TRPM3: variants seen among roughly 807,000 people sequenced by gnomAD.
TRPM3 encodes the protein long transient receptor potential channel 3.
In TRPM3, 77 loss-of-function variants were observed where a neutral mutation model predicts 181.2. That is an observed-to-expected ratio of 0.42 (90% CI 0.35 to 0.51). The LOEUF (loss-of-function observed/expected upper bound fraction) is 0.51. Ranked by LOEUF, TRPM3 falls within the 20% of genes least tolerant of loss-of-function variation. The pLI is 0.01. For synonymous variants in TRPM3, 745 were observed against 796.4 expected, an observed-to-expected ratio of 0.94 and a Z score of 1.09; for missense variants, 1,759 against 2,196.7, an observed-to-expected ratio of 0.80 and a Z score of 3.98.
chr9:71,433,575 G>A (rs1295268718), intron 1 of TRPM3, among the ~76,000 whole-genome samples: 1 of 152,112 alleles, frequency 6.6e-6, no homozygotes. Flanking sequence ...AACCATCAGA[G>A]TCTCCATCAG....
upstream of TRPM3, among the ~76,000 whole-genome samples, chr9:71,123,472 T>C (rs1446662248): frequency 1.3e-5 from 2 of 152,184 alleles, no homozygotes; most frequent in African/African-American, 4.8e-5. Flanking sequence ...TAAGCTAATA[T>C]TGGCAAAGCA....
At chr9:70,884,714 T>C (rs79614917) in intron 1 of TRPM3, among the ~76,000 whole-genome samples, 1 of 152,348 alleles carries the variant, frequency 6.6e-6, no homozygotes, top group African/African-American at 2.4e-5. Flanking sequence ...CTAGAGGGCA[T>C]GTATTCTGCT....
chr9:70,688,050 G>A (rs1475373974), intron 8 of TRPM3, among the ~76,000 whole-genome samples: 1 of 152,092 alleles, frequency 6.6e-6, no homozygotes, highest in Non-Finnish European at 1.5e-5. Flanking sequence ...TGTCCTCATT[G>A]TCAGCCTTTG....
At chr9:70,648,097 A>G (rs930924274) in intron 9 of TRPM3, among the ~76,000 whole-genome samples, 6 of 152,220 alleles carry the variant, frequency 3.9e-5, no homozygotes, top group Non-Finnish European at 7.3e-5. Flanking sequence ...AATTATTACT[A>G]TTGTTAAAAT....
At chr9:70,916,837 G>A (rs573001779) in intron 1 of TRPM3, among the ~76,000 whole-genome samples, 2 of 152,320 alleles carry the variant, frequency 1.3e-5, no homozygotes, top group African/African-American at 2.4e-5. Context: ...ACAGTATGGT[G>A]ATACATCTAC....
At chr9:70,991,180 T>C (rs758558854) in intron 1 of TRPM3, among the ~76,000 whole-genome samples, 4 of 152,168 alleles carry the variant, frequency 2.6e-5, no homozygotes, top group Non-Finnish European at 4.4e-5. Flanking sequence ...GCTCTTAACC[T>C]AGATTCATGG....
At chr9:70,784,340 A>G in intron 6 of TRPM3, 61 bp from the exon 7 acceptor site, 8 of 1,467,374 alleles carry the variant, frequency 5.5e-6, no homozygotes, top group Non-Finnish European at 7.3e-6. Context: ...CCAGCAAACC[A>G]AAGAAACAAA....
upstream of TRPM3, chr9:71,446,855 G>C (rs1165603040): frequency 1.3e-6 from 2 of 1,528,230 alleles, no homozygotes; most frequent in Non-Finnish European, 1.8e-6. Context: ...GCCTCCCTCG[G>C]CCGGGAAACA....
In TRPM3 at chr9:70,622,367, T is replaced by C. The variant is rs372851801; in HGVS notation, c.1810-1094A>G. Among the ~76,000 whole-genome samples, 102 of 152,368 alleles carry C rather than the reference T, an allele frequency of 6.7e-4. 2 individuals carry two copies. In the South Asian group the frequency reaches 0.019, roughly 29 times the overall value. ...ACCTTCTATCAAGCAGAATGAATCATGTATTTCTCAAACCTCTGAAGAGCC... is the reference window on the plus strand; with the variant it reads ...ACCTTCTATCAAGCAGAATGAATCACGTATTTCTCAAACCTCTGAAGAGCC... On this transcript the variant is annotated intron_variant, in intron 14 of 25. Coordinates refer to ENST00000677713, the MANE Select transcript of TRPM3 (RefSeq NM_001366145.2).
intron 1 of TRPM3, among the ~76,000 whole-genome samples, chr9:70,990,247 G>A (rs903752409): frequency 3.9e-5 from 6 of 152,142 alleles, no homozygotes; most frequent in African/African-American, 1.2e-4. Flanking sequence ...GTCAAAGAAT[G>A]TTGTCTCTAC....
At chr9:71,082,362 A>T (rs1330963466) in intron 1 of TRPM3, among the ~76,000 whole-genome samples, 1 of 152,122 alleles carries the variant, frequency 6.6e-6, no homozygotes. Context: ...CACACTCATG[A>T]CATGTTGTCT....
At chr9:71,176,235 G>A (rs1242829884) in intron 1 of TRPM3, among the ~76,000 whole-genome samples, 1 of 152,122 alleles carries the variant, frequency 6.6e-6, no homozygotes, top group African/African-American at 2.4e-5. Flanking sequence ...CATAGGAGAT[G>A]ACAGCTCCAT....
At chr9:70,567,854 G>A (rs2051051318) in intron 22 of TRPM3, among the ~76,000 whole-genome samples, 1 of 152,140 alleles carries the variant, frequency 6.6e-6, no homozygotes, top group African/African-American at 2.4e-5. Context: ...TACATCTTGT[G>A]CAACTATTTA....
At chr9:70,688,358 G>A (rs930225228) in intron 8 of TRPM3, among the ~76,000 whole-genome samples, 18 of 152,092 alleles carry the variant, frequency 1.2e-4, no homozygotes, top group African/African-American at 4.1e-4. Flanking sequence ...ACATGGATAA[G>A]TTCTATAGTG....
chr9:71,366,798 G>A (rs1480861556), intron 1 of TRPM3, among the ~76,000 whole-genome samples: 1 of 151,942 alleles, frequency 6.6e-6, no homozygotes, highest in Non-Finnish European at 1.5e-5. Flanking sequence ...ATTACTATTA[G>A]AGATTATTAT....
chr9:71,191,367 C>A (rs2078009124), intron 1 of TRPM3, among the ~76,000 whole-genome samples: 1 of 151,722 alleles, frequency 6.6e-6, no homozygotes, highest in Non-Finnish European at 1.5e-5. Context: ...TTTCAAATAC[C>A]TTTTCAAGTT....
Position 71,033,091 on chromosome 9 carries a change from C to T in TRPM3, c.177+88087G>A, listed in dbSNP as rs189545679. ...TCTCTCCATCTTAAGTGGGCTGGGG[C>T]TTGTAGCCCTTGAAGCAAGAGGAAA... On this transcript the variant is annotated intron_variant, in intron 1 of 25. Transcript: ENST00000677713. Among the ~76,000 whole-genome samples, 42 of 152,308 alleles carry T rather than the reference C, an allele frequency of 2.8e-4. No individual in the cohort carries two copies. In the East Asian group the frequency reaches 7.9e-3, roughly 29 times the overall value.
At chr9:70,797,347 C>T (rs1243660341) in intron 6 of TRPM3, among the ~76,000 whole-genome samples, 1 of 152,172 alleles carries the variant, frequency 6.6e-6, no homozygotes, top group East Asian at 1.9e-4. Context: ...TTACTTCCTA[C>T]CTGACTTCCC....
chr9:70,901,345 T>C (rs2133023208), intron 1 of TRPM3, among the ~76,000 whole-genome samples: 1 of 152,250 alleles, frequency 6.6e-6, no homozygotes, highest in East Asian at 1.9e-4. Context: ...TTGAGGAAGC[T>C]CCAAACACTG....
Sources: gnomAD v4.1 joint callset for allele counts (sites outside exome capture counted in the v4.1 genomes callset) on GRCh38, gnomAD v4.1.1 for gene constraint, MANE v1.5 for transcripts, NCBI Gene and HGNC (gene_info 2026-07-23, HGNC 2026-07-21) for gene names.